Variants in ATF1 observed in about 807,000 individuals in gnomAD.
The protein encoded by ATF1 is cyclic AMP-dependent transcription factor ATF-1.
In ATF1, 16 loss-of-function variants were observed where a neutral mutation model predicts 34.7. The observed-to-expected ratio is 0.46, with a 90% CI of 0.31 to 0.70. ATF1 has a LOEUF of 0.70. Among genes scored for constraint, ATF1 ranks in the 30% least tolerant of loss-of-function variants. ATF1 has a pLI of 0.05. For synonymous variants in ATF1, 105 were observed against 113.1 expected, an observed-to-expected ratio of 0.93 and a Z score of 0.46; for missense variants, 255 against 321.6, an observed-to-expected ratio of 0.79 and a Z score of 1.58.
intron 4 of ATF1, among the ~76,000 whole-genome samples, chr12:50,811,651 C>T (rs1941740636): frequency 7.1e-6 from 1 of 140,442 alleles, no homozygotes; most frequent in African/African-American, 2.6e-5. Context: ...AAAAAAAAAG[C>T]CGGGCATCAT....
intron 2 of ATF1, among the ~76,000 whole-genome samples, chr12:50,794,253 G>GTTAT (rs1467560730): frequency 6.6e-6 from 1 of 151,288 alleles, no homozygotes; most frequent in African/African-American, 2.4e-5. Flanking sequence ...CCTGGCCTGG[G>GTTAT]TTATTTTATT....
In ATF1 at chr12:50,819,798, T is replaced by C; in HGVS notation, c.*19T>C. 1 of 1,494,586 alleles carries C rather than the reference T, an allele frequency of 6.7e-7. No homozygotes were observed. Among genetic ancestry groups the C allele is most frequent in the Non-Finnish European group, 9.1e-7 (1 of 1,099,898 alleles). 92.6% of individuals were successfully genotyped at this position (1,494,586 alleles called of 1,614,324 possible). On this transcript the variant is annotated 3_prime_UTR_variant, in exon 7 of 7. Transcript: ENST00000262053. ...TGTTTGATTCCTAAGAAAGAAAATA[T>C]TTTTGTGGACATGCATAAAAATTAA...
At chr12:50,793,667 G>A (rs1026070119) in intron 2 of ATF1, among the ~76,000 whole-genome samples, 2 of 144,352 alleles carry the variant, frequency 1.4e-5, no homozygotes, top group Admixed American at 7.1e-5. Context: ...GATGCTTGAG[G>A]AAAAGAAAAG....
chr12:50,769,704 C>T (rs1365398057), intron 1 of ATF1, among the ~76,000 whole-genome samples: 3 of 152,094 alleles, frequency 2.0e-5, no homozygotes, highest in Non-Finnish European at 2.9e-5. Context: ...ACAGAAGTAA[C>T]CAAATTTCCT....
intron 6 of ATF1, among the ~76,000 whole-genome samples, chr12:50,817,279 G>C (rs1029545136): frequency 6.4e-4 from 97 of 151,928 alleles, no homozygotes; most frequent in African/African-American, 2.3e-3. Context: ...ACATAAAAAT[G>C]GGGGGAAAAA....
chr12:50,771,154 C>T (rs1278318707), intron 1 of ATF1, among the ~76,000 whole-genome samples: 1 of 152,064 alleles, frequency 6.6e-6, no homozygotes, highest in Admixed American at 6.6e-5. Flanking sequence ...TACAGGCACA[C>T]ATCACAACGC....
intron 6 of ATF1, among the ~76,000 whole-genome samples, chr12:50,818,214 T>A: frequency 6.7e-6 from 1 of 149,906 alleles, no homozygotes; most frequent in East Asian, 2.0e-4. Flanking sequence ...TGACCAGGAG[T>A]GAGACCAGCC....
chr12:50,815,018 A>T (rs1592204699), intron 6 of ATF1, among the ~76,000 whole-genome samples: 1 of 152,040 alleles, frequency 6.6e-6, no homozygotes, highest in East Asian at 1.9e-4. Context: ...GCTACCCGGG[A>T]GGCTGAGGCA....
At chr12:50,813,744 G>A (rs1002179338) in intron 4 of ATF1, among the ~76,000 whole-genome samples, 1 of 152,140 alleles carries the variant, frequency 6.6e-6, no homozygotes, top group African/African-American at 2.4e-5. Flanking sequence ...AACCCAGGAG[G>A]CAGAGGTTGC....
intron 2 of ATF1, chr12:50,788,088 C>A (rs1941223117): frequency 5.2e-6 from 2 of 388,210 alleles, no homozygotes; most frequent in Admixed American, 6.0e-5. Flanking sequence ...AAGAGTAACT[C>A]AAATATTGGA....
intron 3 of ATF1, 80 bp from the exon 4 acceptor site, chr12:50,809,373 CAAA>C (rs56060219): frequency 0.021 from 15,477 of 743,096 alleles, no homozygotes; most frequent in South Asian, 0.034. Context: ...GATCTTGTCT[CAAA>C]AAAAAAAAAA....
intron 6 of ATF1, among the ~76,000 whole-genome samples, chr12:50,818,671 G>A (rs1023300475): frequency 5.3e-5 from 8 of 152,046 alleles, no homozygotes; most frequent in Non-Finnish European, 1.0e-4. Context: ...GTGCAGTGGC[G>A]CGATCTTGGC....
In ATF1 at chr12:50,770,506, G is replaced by A. The variant is rs117487166; in HGVS notation, c.-7+6199G>A. On this transcript the variant is annotated intron_variant, in intron 1 of 6. Coordinates refer to ENST00000262053, the MANE Select transcript of ATF1 (RefSeq NM_005171.5). ...TTTAAGGGTACAAACCCATGTCAGG[G>A]CTTGGCTTTTAAAAAAGTCTTATCT... Among the ~76,000 whole-genome samples, 101 of 152,270 alleles carry A rather than the reference G, an allele frequency of 6.6e-4. 1 individual carries two copies. The East Asian group carries it at 0.018, about 28-fold the overall frequency.
intron 2 of ATF1, among the ~76,000 whole-genome samples, chr12:50,788,802 T>C (rs967380185): frequency 6.6e-6 from 1 of 152,212 alleles, no homozygotes; most frequent in Non-Finnish European, 1.5e-5. Flanking sequence ...TGTGTCTTCT[T>C]GCATCAGCTC....
chr12:50,809,433 T>C, intron 3 of ATF1, 23 bp from the exon 4 acceptor site: 2 of 1,487,910 alleles, frequency 1.3e-6, no homozygotes, highest in South Asian at 1.1e-5. Flanking sequence ...CAATGTTTAA[T>C]AGAGTTCTGG....
rs1364735884 is a variant in ATF1, at chr12:50,798,431, T to G, written c.194+2422T>G. Among the ~76,000 whole-genome samples the G allele has an allele frequency of 4.6e-5, 7 of 151,702 alleles. No homozygotes were observed. In the East Asian group the frequency reaches 1.2e-3, roughly 26 times the overall value. ...TCATGCCATTCTCCTGCCTCAGTCT[T>G]CCGAGTAGCTGGGACTACAGGCGCC... is the stretch of plus-strand genomic sequence containing the variant. On this transcript the variant is annotated intron_variant, in intron 3 of 6. Coordinates refer to ENST00000262053, the MANE Select transcript of ATF1 (RefSeq NM_005171.5).
intron 2 of ATF1, among the ~76,000 whole-genome samples, chr12:50,788,595 G>T (rs546983857): frequency 6.6e-6 from 1 of 151,584 alleles, no homozygotes; most frequent in African/African-American, 2.4e-5. Context: ...TGATCCTCCT[G>T]CCTTTGCCTC....
rs1941914244 is a variant in ATF1, at chr12:50,819,872, T to C, written c.*93T>C. ...TAAATTAAAAGGTCAAAACTGAAGC[T>C]TTTTATTTAGGCTTTTCCAAATCAA... On this transcript the variant is annotated 3_prime_UTR_variant, in exon 7 of 7. Coordinates refer to ENST00000262053, the MANE Select transcript of ATF1 (RefSeq NM_005171.5). 3 of 1,096,870 alleles carry C rather than the reference T, an allele frequency of 2.7e-6. No homozygotes were observed. The highest frequency in any genetic ancestry group is 3.2e-5 in the African/African-American group (2 of 62,304). 67.9% of individuals were successfully genotyped at this position (1,096,870 alleles called of 1,614,324 possible). A position where few individuals can be genotyped will look rare whatever the true frequency, so the allele number is the denominator to read the frequency against.
intron 3 of ATF1, among the ~76,000 whole-genome samples, chr12:50,802,937 A>T (rs1457100928): frequency 1.3e-5 from 2 of 150,730 alleles, no homozygotes; most frequent in Admixed American, 1.3e-4. Flanking sequence ...ATTGATCAGA[A>T]GACTAAATAT....
Sources: allele counts gnomAD v4.1 joint callset (sites outside exome capture counted in the v4.1 genomes callset), GRCh38; gene constraint gnomAD v4.1.1; transcripts MANE v1.5; gene names NCBI Gene and HGNC (gene_info 2026-07-23, HGNC 2026-07-21).